Variants in NNMT observed in about 807,000 individuals in gnomAD.
The protein encoded by NNMT is nicotinamide N-methyltransferase.
A neutral mutation model predicts 11.7 loss-of-function variants in NNMT; 10 were observed. The ratio of observed to expected loss-of-function variants is 0.85; its 90% confidence interval spans 0.53 to 1.45. The LOEUF (loss-of-function observed/expected upper bound fraction) is 1.45. Ranked by LOEUF, NNMT falls within the 40% of genes most tolerant of loss-of-function variation. NNMT has a pLI of 0.00. For synonymous variants in NNMT, 143 were observed against 133.8 expected (o/e 1.07, Z -0.48); for missense variants, 381 against 319.4 (o/e 1.19, Z -1.47).
intron 2 of NNMT, among the ~76,000 whole-genome samples, chr11:114,271,836 A>G (rs1271199768): frequency 1.3e-5 from 2 of 152,174 alleles, no homozygotes; most frequent in Non-Finnish European, 2.9e-5. Flanking sequence ...TTAAAAATTA[A>G]TTAGGTATGC....
At chr11:114,285,997 C>G (rs1216438934) in intron 2 of NNMT, among the ~76,000 whole-genome samples, 1 of 152,206 alleles carries the variant, frequency 6.6e-6, no homozygotes, top group Non-Finnish European at 1.5e-5. Context: ...CTTCTTCCAG[C>G]ATTGGAAAGA....
intron 2 of NNMT, among the ~76,000 whole-genome samples, chr11:114,265,243 G>A (rs1484696322): frequency 6.6e-6 from 1 of 152,194 alleles, no homozygotes; most frequent in Non-Finnish European, 1.5e-5. Flanking sequence ...TGCGCCAAGA[G>A]ACAGGGACGA....
chr11:114,268,380 T>A (rs1945139299), intron 2 of NNMT, among the ~76,000 whole-genome samples: 1 of 152,136 alleles, frequency 6.6e-6, no homozygotes. Context: ...TTATCTTGCA[T>A]CCTCTGGAGC....
intron 2 of NNMT, among the ~76,000 whole-genome samples, chr11:114,285,456 G>C (rs1156636543): frequency 6.6e-6 from 1 of 152,146 alleles, no homozygotes; most frequent in African/African-American, 2.4e-5. Context: ...CCAAGAAAGG[G>C]TTCTCTACCT....
chr11:114,276,586 A>G (rs1220192409), intron 2 of NNMT, among the ~76,000 whole-genome samples: 2 of 152,232 alleles, frequency 1.3e-5, no homozygotes, highest in African/African-American at 4.8e-5. Flanking sequence ...GAGGTTTATA[A>G]TATGCTCCAC....
chr11:114,289,665 T>C (rs1480044492), intron 2 of NNMT, among the ~76,000 whole-genome samples: 1 of 152,260 alleles, frequency 6.6e-6, no homozygotes, highest in Non-Finnish European at 1.5e-5. Flanking sequence ...TAGTTATCTT[T>C]TATTTTTTAC....
At chr11:114,285,278 T>C (rs553327468) in intron 2 of NNMT, among the ~76,000 whole-genome samples, 1 of 152,216 alleles carries the variant, frequency 6.6e-6, no homozygotes, top group African/African-American at 2.4e-5. Context: ...TTTGTGGCTA[T>C]GGATTTTCAA....
intron 2 of NNMT, among the ~76,000 whole-genome samples, chr11:114,275,947 T>G (rs1319433705): frequency 6.6e-6 from 1 of 152,158 alleles, no homozygotes; most frequent in Non-Finnish European, 1.5e-5. Context: ...GGCCACTCTT[T>G]CCATTTCCTT....
chr11:114,312,051 G>A lies in NNMT; in HGVS notation c.369G>A (p.Lys123=). 1 of 1,561,474 alleles carries A rather than the reference G, an allele frequency of 6.4e-7. No homozygotes were observed. The highest frequency in any genetic ancestry group is 8.7e-7 in the Non-Finnish European group (1 of 1,149,860). The change falls in exon 3 of 3, where the codon AAG becomes AAA. Residue 123 remains lysine (K), a synonymous_variant. Coordinates refer to ENST00000299964, the MANE Select transcript of NNMT (RefSeq NM_006169.3). ...GTGGGTTTGTGTTTTTCAGAGTCAAGGGTCCAGAGAAGGAGGAGAAGTTGA... is the reference window on the plus strand; with the variant it reads ...GTGGGTTTGTGTTTTTCAGAGTCAAAGGTCCAGAGAAGGAGGAGAAGTTGA... ...YVCDLEGNRV[K]GPEKEEKLRQ...
chr11:114,266,991 A>G (rs1349582374), intron 2 of NNMT, among the ~76,000 whole-genome samples: 2 of 152,250 alleles, frequency 1.3e-5, no homozygotes, highest in African/African-American at 4.8e-5. Flanking sequence ...TCAGCTGGGC[A>G]CGGTGGCTCA....
chr11:114,270,883 T>C (rs1470001649), intron 2 of NNMT, among the ~76,000 whole-genome samples: 1 of 152,082 alleles, frequency 6.6e-6, no homozygotes, highest in Non-Finnish European at 1.5e-5. Context: ...CAAGCAATTC[T>C]CCTGTCTCAG....
intron 2 of NNMT, among the ~76,000 whole-genome samples, chr11:114,283,590 T>C (rs1208658288): frequency 1.3e-5 from 2 of 152,198 alleles, no homozygotes; most frequent in Admixed American, 6.5e-5. Flanking sequence ...CGAAAGCTTT[T>C]TGACAAGAGA....
intron 2 of NNMT, among the ~76,000 whole-genome samples, chr11:114,274,022 C>A (rs975961493): frequency 1.3e-5 from 2 of 152,106 alleles, no homozygotes; most frequent in Admixed American, 1.3e-4. Flanking sequence ...CTAGTTGCTG[C>A]CACACCCCTC....
intron 1 of NNMT, among the ~76,000 whole-genome samples, chr11:114,261,506 C>A (rs1204583972): frequency 6.6e-6 from 1 of 152,166 alleles, no homozygotes; most frequent in Non-Finnish European, 1.5e-5. Context: ...ATCGCTTGAA[C>A]CCGGGAGATG....
At chr11:114,259,993 C>T (rs2135237974) in intron 1 of NNMT, among the ~76,000 whole-genome samples, 1 of 152,254 alleles carries the variant, frequency 6.6e-6, no homozygotes, top group Middle Eastern at 3.4e-3. Context: ...CATGAGAAAT[C>T]ACTGACTTCA....
intron 2 of NNMT, among the ~76,000 whole-genome samples, chr11:114,280,495 C>T (rs1945251613): frequency 6.6e-6 from 1 of 152,176 alleles, no homozygotes; most frequent in South Asian, 2.1e-4. Flanking sequence ...GCCTGTTGCA[C>T]ACCCTGTCTG....
At chr11:114,282,847 CATTT>C (rs972299160) in intron 2 of NNMT, among the ~76,000 whole-genome samples, 12 of 152,192 alleles carry the variant, frequency 7.9e-5, no homozygotes, top group Non-Finnish European at 1.8e-4. Flanking sequence ...TGAAAACAAA[CATTT>C]ATTTTGTTAA....
rs761661607 is a variant in NNMT at position 114,296,682 on chromosome 11, G to A, written c.126G>A (p.Leu42=). 1 of 1,614,160 alleles carries A rather than the reference G, an allele frequency of 6.2e-7. No homozygotes were observed. The highest frequency in any genetic ancestry group is 8.5e-7 in the Non-Finnish European group (1 of 1,180,022). Reference sequence around the variant, plus strand: ...AAAGCCAGATTCTTAAGCACCTTCTGAAAAATCTTTTCAAGATATTCTGCC... The same window carrying A: ...AAAGCCAGATTCTTAAGCACCTTCTAAAAAATCTTTTCAAGATATTCTGCC... ...SAESQILKHL[L]KNLFKIFCLD... is the part of the protein sequence containing the mutation. The change falls in exon 1 of 3, where the codon CTG becomes CTA. Residue 42 remains leucine, a synonymous_variant. Coordinates refer to ENST00000299964, the MANE Select transcript of NNMT (RefSeq NM_006169.3).
At chr11:114,276,863 G>A (rs1247741938) in intron 2 of NNMT, among the ~76,000 whole-genome samples, 1 of 152,186 alleles carries the variant, frequency 6.6e-6, no homozygotes, top group Non-Finnish European at 1.5e-5. Flanking sequence ...TTGGCTCTCT[G>A]ACTTACTTGC....
Sources: allele counts gnomAD v4.1 joint callset (sites outside exome capture counted in the v4.1 genomes callset), GRCh38; gene constraint gnomAD v4.1.1; transcripts MANE v1.5; gene names NCBI Gene and HGNC (gene_info 2026-07-23, HGNC 2026-07-21).